Variants in GNB1 observed in about 807,000 individuals in gnomAD.
GNB1 encodes G protein subunit beta 1.
In GNB1, 2 loss-of-function variants were observed where a neutral mutation model predicts 42.9. The ratio of observed to expected loss-of-function variants is 0.05; its 90% CI spans 0.02 to 0.15. The LOEUF (loss-of-function observed/expected upper bound fraction) is 0.15. GNB1 is among the 10% of genes least tolerant of loss of function. The pLI is 1.00. For synonymous variants in GNB1, 183 were observed against 174.7 expected, an observed-to-expected ratio of 1.05 and a Z score of -0.38; for missense variants, 193 against 462.2, an observed-to-expected ratio of 0.42 and a Z score of 5.34.
intron 1 of GNB1, among the ~76,000 whole-genome samples, chr1:1,842,167 A>C (rs953388758): frequency 1.2e-4 from 19 of 152,218 alleles, no homozygotes; most frequent in South Asian, 4.1e-4. Flanking sequence ...ACGGTGGCTC[A>C]CGCCTGTAAT....
At chr1:1,799,542 G>A (rs1193238671) in intron 7 of GNB1, among the ~76,000 whole-genome samples, 3 of 152,186 alleles carry the variant, frequency 2.0e-5, no homozygotes, top group Non-Finnish European at 4.4e-5. Flanking sequence ...GTGGTTTACA[G>A]GGTCAGTGTG....
At chr1:1,826,815 G>C (rs572867830) in intron 2 of GNB1, among the ~76,000 whole-genome samples, 2 of 152,288 alleles carry the variant, frequency 1.3e-5, no homozygotes, top group South Asian at 4.1e-4. Context: ...TGTTAAACAA[G>C]AGACTTATTT....
At chr1:1,788,874 G>A (rs1054706418) in intron 10 of GNB1, 179 bp downstream of exon 10, 19 of 579,538 alleles carry the variant, frequency 3.3e-5, no homozygotes, top group Non-Finnish European at 5.0e-5. Context: ...GGTACTCCTC[G>A]GAGTCCACTT....
At chr1:1,816,129 T>C (rs539077899) in intron 4 of GNB1, among the ~76,000 whole-genome samples, 5 of 152,362 alleles carry the variant, frequency 3.3e-5, no homozygotes, top group Admixed American at 1.3e-4. Flanking sequence ...AAGCACTTGC[T>C]GTTCCCTTCC....
rs187856665 is a variant in GNB1, at chr1:1,835,929, A to G, written c.-47+3261T>C. On this transcript the variant is annotated intron_variant, in intron 2 of 11. Transcript: ENST00000378609. ...TTACAAGAATTAAAAAAAGAAAAAA[A>G]AAAAAAAAAAAAAAGCCAGACATGG... Among the ~76,000 whole-genome samples, 174 of 148,260 alleles carry G rather than the reference A, an allele frequency of 1.2e-3. 3 individuals carry two copies. The East Asian group carries it at 0.03, about 26-fold the overall frequency.
chr1:1,815,903 TA>T, intron 4 of GNB1, 41 bp from the exon 5 acceptor site: 1 of 1,197,320 alleles, frequency 8.4e-7, no homozygotes, highest in Non-Finnish European at 1.2e-6. Context: ...CATCTGTGAT[TA>T]AACGATTCTC....
At chr1:1,837,379 T>C (rs563468444) in intron 2 of GNB1, among the ~76,000 whole-genome samples, 101 of 151,814 alleles carry the variant, frequency 6.7e-4, no homozygotes, top group African/African-American at 2.4e-3. Flanking sequence ...CTTGGCCTCC[T>C]GAGTAGCTGG....
intron 1 of GNB1, among the ~76,000 whole-genome samples, chr1:1,858,490 G>A (rs999516644): frequency 6.6e-6 from 1 of 152,040 alleles, no homozygotes. Flanking sequence ...GCACCCCGAA[G>A]ACTTAATTTT....
At chr1:1,842,866 T>C (rs1647373568) in intron 1 of GNB1, among the ~76,000 whole-genome samples, 2 of 152,216 alleles carry the variant, frequency 1.3e-5, no homozygotes, top group Admixed American at 6.5e-5. Flanking sequence ...TACCCCAGAC[T>C]TCAGGAAGCG....
intron 1 of GNB1, among the ~76,000 whole-genome samples, chr1:1,857,386 A>T (rs1431568067): frequency 1.3e-5 from 2 of 152,140 alleles, no homozygotes; most frequent in Admixed American, 1.3e-4. Flanking sequence ...AATCACTGTC[A>T]TCTTGTACAG....
chr1:1,866,263 A>G (rs556216770), intron 1 of GNB1, among the ~76,000 whole-genome samples: 60 of 152,308 alleles, frequency 3.9e-4, no homozygotes, highest in Non-Finnish European at 8.5e-4. Flanking sequence ...TTAAAACAGT[A>G]TGTTCCTTTC....
Position 1,860,688 on chromosome 1 carries a change from G to C in GNB1, c.-95-21450C>G, listed in dbSNP as rs554963002. Among the ~76,000 whole-genome samples the C allele has an allele frequency of 1.1e-3, 158 of 150,180 alleles. 1 individual carries two copies. The highest frequency in any genetic ancestry group is 3.7e-3 in the African/African-American group (152 of 40,938). On this transcript the variant is annotated intron_variant, in intron 1 of 11. Coordinates refer to ENST00000378609, the MANE Select transcript of GNB1 (RefSeq NM_002074.5). Reference sequence around the variant, plus strand: ...GAAGAGTCCCCACAAACCAGCCTGTGGGCAACAGAGCAAGACTCTGTCTCA... The same window carrying C: ...GAAGAGTCCCCACAAACCAGCCTGTCGGCAACAGAGCAAGACTCTGTCTCA...
intron 3 of GNB1, 119 bp downstream of exon 3, chr1:1,825,278 A>T (rs1646981426): frequency 2.6e-6 from 2 of 756,322 alleles, no homozygotes; most frequent in Non-Finnish European, 4.8e-6. Context: ...GGGCCAACTA[A>T]GATTCAATTT....
chr1:1,866,926 C>A (rs1195603291), intron 1 of GNB1, among the ~76,000 whole-genome samples: 1 of 151,434 alleles, frequency 6.6e-6, no homozygotes, highest in Non-Finnish European at 1.5e-5. Flanking sequence ...TGCACTCCAA[C>A]CTGGGGCACA....
chr1:1,809,440 C>T (rs1646746130), intron 5 of GNB1, among the ~76,000 whole-genome samples: 1 of 152,178 alleles, frequency 6.6e-6, no homozygotes, highest in Non-Finnish European at 1.5e-5. Flanking sequence ...CGTAAGCCAC[C>T]GCACCCAGCC....
chr1:1,798,597 C>T (rs938082237), intron 7 of GNB1, among the ~76,000 whole-genome samples: 5 of 152,190 alleles, frequency 3.3e-5, no homozygotes, highest in African/African-American at 1.2e-4. Context: ...CTCCACTGCC[C>T]GAGAGGTATG....
At chr1:1,827,789 C>A (rs879565126) in intron 2 of GNB1, among the ~76,000 whole-genome samples, 1 of 152,088 alleles carries the variant, frequency 6.6e-6, no homozygotes, top group Non-Finnish European at 1.5e-5. Context: ...ACCAGCACCC[C>A]GCACGCATAA....
Position 1,839,218 on chromosome 1 carries a change from C to T in GNB1, c.-75G>A, listed in dbSNP as rs983754454. On this transcript the variant is annotated 5_prime_UTR_variant, in exon 2 of 12. Coordinates refer to ENST00000378609, the MANE Select transcript of GNB1 (RefSeq NM_002074.5). ...AATTCAGAAGGGCTTCTGGTCTGGTCTCCAATACATGTAAATTTGTCTGAA... is the reference window on the plus strand; with the variant it reads ...AATTCAGAAGGGCTTCTGGTCTGGTTTCCAATACATGTAAATTTGTCTGAA... 1 of 152,194 alleles carries T rather than the reference C, an allele frequency of 6.6e-6. No individual in the cohort carries two copies. The highest frequency in any genetic ancestry group is 6.5e-5 in the Admixed American group (1 of 15,270). 9.4% of individuals were successfully genotyped at this position (152,194 alleles called of 1,614,324 possible). A position where few individuals can be genotyped will look rare whatever the true frequency, so the allele number is the denominator to read the frequency against.
chr1:1,795,661 G>A (rs771767159), intron 7 of GNB1, among the ~76,000 whole-genome samples: 3 of 152,150 alleles, frequency 2.0e-5, no homozygotes, highest in Admixed American at 6.5e-5. Flanking sequence ...GCTGAGGCAG[G>A]AGAATCGCTT....
Sources: gnomAD v4.1 joint callset for allele counts (sites outside exome capture counted in the v4.1 genomes callset) on GRCh38, gnomAD v4.1.1 for gene constraint, MANE v1.5 for transcripts, NCBI Gene and HGNC (gene_info 2026-07-23, HGNC 2026-07-21) for gene names.